Variants in GSE1 observed in about 807,000 individuals in gnomAD.
GSE1 encodes Gse1 coiled-coil protein.
Under a neutral mutation model 112.6 loss-of-function variants are expected in GSE1, and 32 were observed. The observed-to-expected ratio is 0.28, with a 90% CI of 0.21 to 0.38. The LOEUF (loss-of-function observed/expected upper bound fraction) is 0.38, where lower values mean the gene tolerates loss of function less well. GSE1 is among the 10% of genes least tolerant of loss of function. GSE1 has a pLI of 1.00. For missense variants in GSE1, 2,348 were observed against 1,699.2 expected (o/e 1.38, Z -6.71); for synonymous variants, 1,115 against 735.6 (o/e 1.52, Z -8.35).
At chr16:85,577,006 C>T (rs916539402) in intron 1 of GSE1, among the ~76,000 whole-genome samples, 1 of 152,178 alleles carries the variant, frequency 6.6e-6, no homozygotes, top group African/African-American at 2.4e-5. Context: ...ACAGTCAGGA[C>T]GCTGAGGTCC....
chr16:85,342,346 T>G (rs2046641513), intron 1 of GSE1, among the ~76,000 whole-genome samples: 1 of 152,234 alleles, frequency 6.6e-6, no homozygotes, highest in South Asian at 2.1e-4. Flanking sequence ...TTCACTGTAA[T>G]ACCCTTGGCA....
rs1250983933 is a variant in GSE1, at chr16:85,674,572, T to TA, written c.*2034dup. On this transcript the variant is annotated 3_prime_UTR_variant, in exon 16 of 16. Transcript: ENST00000253458. The stretch of plus-strand genomic sequence containing the variant: ...GTCTGAAGGCTTAAGAGTCACATCT[T>TA]AGCACTTCCGCTCTCAGGCCTCCTC... The TA allele has an allele frequency of 6.6e-6, 1 of 152,222 alleles. No individual in the cohort carries two copies. Among genetic ancestry groups the TA allele is most frequent in the Admixed American group, 6.5e-5 (1 of 15,282 alleles). The allele number at this position is 152,222 out of a possible 1,614,324, so 9.4% of individuals were successfully genotyped here.
chr16:85,203,624 G>A (rs2075067338), intron 1 of GSE1, among the ~76,000 whole-genome samples: 1 of 152,244 alleles, frequency 6.6e-6, no homozygotes, highest in African/African-American at 2.4e-5. Flanking sequence ...AGGCCAAGCA[G>A]TGGGATTTCC....
intron 1 of GSE1, among the ~76,000 whole-genome samples, chr16:85,628,822 G>A (rs1261578107): frequency 6.6e-6 from 1 of 152,216 alleles, no homozygotes; most frequent in Non-Finnish European, 1.5e-5. Flanking sequence ...GCCTCAAGGT[G>A]TGTGCGCCAT....
At chr16:85,505,741 G>C (rs1010963029) in intron 2 of GSE1, among the ~76,000 whole-genome samples, 22 of 152,140 alleles carry the variant, frequency 1.4e-4, no homozygotes, top group Non-Finnish European at 1.5e-5. Context: ...AAGGTAGGCC[G>C]GGTGCGGTAA....
At chr16:85,474,912 T>C (rs1434855933) in intron 2 of GSE1, among the ~76,000 whole-genome samples, 1 of 152,174 alleles carries the variant, frequency 6.6e-6, no homozygotes, top group Non-Finnish European at 1.5e-5. Context: ...CCCGTGGTAC[T>C]GACAGATTCG....
chr16:85,320,804 T>A (rs1363509903), intron 1 of GSE1, among the ~76,000 whole-genome samples: 2 of 152,198 alleles, frequency 1.3e-5, no homozygotes, highest in Non-Finnish European at 2.9e-5. Flanking sequence ...CTCCCCACTC[T>A]GCGTGGCTGC....
chr16:85,545,135 C>T (rs956727760), intron 2 of GSE1, among the ~76,000 whole-genome samples: 1 of 152,222 alleles, frequency 6.6e-6, no homozygotes, highest in African/African-American at 2.4e-5. Flanking sequence ...GTCTGCGTCC[C>T]AGGAGGCGTT....
rs143518925 is a variant in GSE1 at position 85,509,217 on chromosome 16, G to A, written c.2465-124697G>A. The stretch of plus-strand genomic sequence containing the variant: ...TGGGTATGTGTGGGTGCACGTGGAC[G>A]CAAGGGGGCAGGAAGGGTTGGATCC... On this transcript the variant is annotated intron_variant, in intron 2 of 2. Transcript: ENST00000637419. 1.4e-3 allele frequency among the ~76,000 whole-genome samples: 212 copies of A among 152,320 alleles called. 1 individual carries two copies. Among genetic ancestry groups the A allele is most frequent in the Middle Eastern group, 3.4e-3 (1 of 294 alleles).
At chr16:85,613,453 C>A in intron 1 of GSE1, 55 bp downstream of exon 1, 1 of 1,463,334 alleles carries the variant, frequency 6.8e-7, no homozygotes, top group Non-Finnish European at 9.2e-7. Context: ...CCCCACCGCA[C>A]TGTCCTCCTG....
At chr16:85,222,634 G>A (rs112269094) in intron 1 of GSE1, among the ~76,000 whole-genome samples, 7 of 152,206 alleles carry the variant, frequency 4.6e-5, no homozygotes, top group Non-Finnish European at 1.0e-4. Flanking sequence ...AAATCGTAAT[G>A]AATTTTACTG....
chr16:85,662,648 A>C, intron 9 of GSE1: 2 of 284,766 alleles, frequency 7.0e-6, no homozygotes, highest in Middle Eastern at 1.1e-3. Flanking sequence ...GTGCATGTGC[A>C]CAAGCAGCCC....
In GSE1 at chr16:85,637,320, C is replaced by T. The variant is rs1000565172; in HGVS notation, c.226+3188C>T. On this transcript the variant is annotated intron_variant, in intron 2 of 15. Transcript: ENST00000253458. ...CCTGGTCCTTGTGGGCCATCTGCGG[C>T]GTGACAGCCCTTCCTGCTTCTCGTG... Among the ~76,000 whole-genome samples, 19 of 152,316 alleles carry T rather than the reference C, an allele frequency of 1.2e-4. 1 individual carries two copies. In the East Asian group the frequency reaches 3.1e-3, roughly 25 times the overall value.
chr16:85,316,932 G>A (rs1037558180), intron 1 of GSE1, among the ~76,000 whole-genome samples: 3 of 152,194 alleles, frequency 2.0e-5, no homozygotes, highest in African/African-American at 7.2e-5. Flanking sequence ...AGGAGCCCCG[G>A]GAGGGATGCC....
At chr16:85,402,633 G>T (rs2048142622) in intron 2 of GSE1, among the ~76,000 whole-genome samples, 1 of 152,162 alleles carries the variant, frequency 6.6e-6, no homozygotes, top group Admixed American at 6.5e-5. Context: ...CTAACAGATT[G>T]CCCCAAGGCC....
intron 2 of GSE1, among the ~76,000 whole-genome samples, chr16:85,513,157 A>C (rs2051804408): frequency 6.6e-6 from 1 of 151,442 alleles, no homozygotes; most frequent in Non-Finnish European, 1.5e-5. Flanking sequence ...CCCCAGCCAC[A>C]CCTGACTCCT....
At chr16:85,193,680 G>C (rs572806715) in intron 1 of GSE1, among the ~76,000 whole-genome samples, 5 of 152,286 alleles carry the variant, frequency 3.3e-5, no homozygotes, top group African/African-American at 1.2e-4. Context: ...GGCTGGTCTT[G>C]AACTTGTGGC....
At chr16:85,339,057 G>A (rs2046566364) in intron 1 of GSE1, among the ~76,000 whole-genome samples, 1 of 152,164 alleles carries the variant, frequency 6.6e-6, no homozygotes, top group Non-Finnish European at 1.5e-5. Context: ...GACTGTCATG[G>A]GCAGGTGGAT....
chr16:85,541,513 C>G (rs943638083), intron 2 of GSE1, among the ~76,000 whole-genome samples: 1 of 152,224 alleles, frequency 6.6e-6, no homozygotes, highest in African/African-American at 2.4e-5. Flanking sequence ...GAAAGTCTCA[C>G]CTGGGGGCCC....
Sources: gnomAD v4.1 joint callset for allele counts (sites outside exome capture counted in the v4.1 genomes callset) on GRCh38, gnomAD v4.1.1 for gene constraint, MANE v1.5 for transcripts, NCBI Gene and HGNC (gene_info 2026-07-23, HGNC 2026-07-21) for gene names.